LRRN2: variants seen among roughly 807,000 people sequenced by gnomAD.
LRRN2 encodes leucine-rich repeat neuronal protein 2.
A neutral mutation model predicts 35.7 loss-of-function variants in LRRN2; 10 were observed. The observed-to-expected ratio is 0.28, with a 90% CI of 0.17 to 0.47. The LOEUF (loss-of-function observed/expected upper bound fraction) is 0.47. Ranked by LOEUF, LRRN2 falls within the 20% of genes least tolerant of loss-of-function variation. The pLI is 0.99. For missense variants in LRRN2, 731 were observed against 940.3 expected, an observed-to-expected ratio of 0.78 and a Z score of 2.91; for synonymous variants, 391 against 409.6, an observed-to-expected ratio of 0.95 and a Z score of 0.55.
intron 1 of LRRN2, among the ~76,000 whole-genome samples, chr1:204,682,510 T>C (rs1668977376): frequency 6.6e-6 from 1 of 152,220 alleles, no homozygotes; most frequent in African/African-American, 2.4e-5. Context: ...TGGAGATCTA[T>C]ATGACCCGGA....
At chr1:204,658,395 A>C (rs1558418103) in intron 1 of LRRN2, among the ~76,000 whole-genome samples, 1 of 152,204 alleles carries the variant, frequency 6.6e-6, no homozygotes, top group Non-Finnish European at 1.5e-5. Flanking sequence ...GGAAGAAATG[A>C]CCAAAAGGCT....
intron 1 of LRRN2, among the ~76,000 whole-genome samples, chr1:204,658,170 G>A (rs1199863292): frequency 6.6e-6 from 1 of 151,686 alleles, no homozygotes; most frequent in Non-Finnish European, 1.5e-5. Context: ...TGGAGACGGG[G>A]TTTCACTATA....
intron 1 of LRRN2, among the ~76,000 whole-genome samples, chr1:204,657,339 T>TACAC (rs1285210348): frequency 1.2e-3 from 145 of 124,290 alleles, no homozygotes; most frequent in Middle Eastern, 4.0e-3. Context: ...TATATGTATA[T>TACAC]ATACACACAC....
intron 1 of LRRN2, among the ~76,000 whole-genome samples, chr1:204,639,053 C>T (rs1020261039): frequency 3.3e-5 from 5 of 152,220 alleles, no homozygotes; most frequent in African/African-American, 1.2e-4. Context: ...CCCTGGGTAG[C>T]TCTGGAGAGG....
intron 1 of LRRN2, among the ~76,000 whole-genome samples, chr1:204,668,098 AAAGCAAGAGGCC>A (rs1341526900): frequency 4.6e-5 from 7 of 152,166 alleles, no homozygotes; most frequent in Non-Finnish European, 1.0e-4. Flanking sequence ...AGATCTGAGA[AAAGCAAGAGGCC>A]AGTGCTGGCC....
In LRRN2 at chr1:204,619,623, G is replaced by GGTGC. The variant is rs1378138589; in HGVS notation, c.366_369dup (p.Leu124AlafsTer59). 6 of 1,614,104 alleles carry GGTGC rather than the reference G, an allele frequency of 3.7e-6. No individual in the cohort carries two copies. The highest frequency in any genetic ancestry group is 4.2e-6 in the Non-Finnish European group (5 of 1,180,058). On this transcript the variant is annotated frameshift_variant, in exon 2 of 2. Transcript: ENST00000367177. LOFTEE classifies it high-confidence loss of function. ...AGCCGGGTCAGCTGGTTCTCCTCTA[G>GGTGC]GTGCAGGCTCAGCAGCTGGGGCAGG... is the stretch of plus-strand genomic sequence containing the variant.
intron 1 of LRRN2, among the ~76,000 whole-genome samples, chr1:204,675,384 G>T (rs147221456): frequency 6.6e-6 from 1 of 152,210 alleles, no homozygotes. Context: ...GGGTCTCCCC[G>T]GCTTCAAGCT....
intron 1 of LRRN2, among the ~76,000 whole-genome samples, chr1:204,663,257 T>C (rs1309962058): frequency 6.6e-6 from 1 of 152,126 alleles, no homozygotes; most frequent in African/African-American, 2.4e-5. Context: ...ACCTGGAGCA[T>C]ATCAGCAAGG....
intron 1 of LRRN2, among the ~76,000 whole-genome samples, chr1:204,623,957 GAGTC>G (rs1667117260): frequency 1.3e-5 from 2 of 152,234 alleles, no homozygotes; most frequent in African/African-American, 2.4e-5. Context: ...AGGCAACTGA[GAGTC>G]AGAAACGTTA....
intron 1 of LRRN2, among the ~76,000 whole-genome samples, chr1:204,654,954 A>G (rs1002754038): frequency 1.3e-5 from 2 of 152,200 alleles, no homozygotes; most frequent in Non-Finnish European, 1.5e-5. Context: ...GTTCCTCTCA[A>G]GTAGGCCCCA....
chr1:204,635,389 C>A (rs1274932046), intron 1 of LRRN2, among the ~76,000 whole-genome samples: 3 of 152,132 alleles, frequency 2.0e-5, no homozygotes, highest in Non-Finnish European at 4.4e-5. Flanking sequence ...AAACCTCTCT[C>A]CGCAGCCCAG....
In LRRN2 at chr1:204,620,185, G is replaced by A; in HGVS notation, c.-193C>T. 6.9e-7 allele frequency: 1 copy of A among 1,446,234 alleles called. No individual in the cohort carries two copies. Among genetic ancestry groups the A allele is most frequent in the Non-Finnish European group, 9.1e-7 (1 of 1,098,404 alleles). The allele number at this position is 1,446,234 out of a possible 1,614,324, so 89.6% of individuals were successfully genotyped here. On this transcript the variant is annotated 5_prime_UTR_variant, in exon 2 of 2. The change creates a premature stop within an existing upstream ORF in the 5' untranslated region. Coordinates refer to ENST00000367177, the MANE Select transcript of LRRN2 (RefSeq NM_201630.2). The stretch of plus-strand genomic sequence containing the variant: ...TTCCTTGTCCTCTGGGGCTGGGCCT[G>A]CTCAGTCATTGCCAGGCCCCATCAG...
chr1:204,662,297 G>C (rs983965386), intron 1 of LRRN2, among the ~76,000 whole-genome samples: 2 of 152,306 alleles, frequency 1.3e-5, no homozygotes, highest in South Asian at 2.1e-4. Context: ...GATATAGTGA[G>C]GGGGAGCTAC....
intron 1 of LRRN2, among the ~76,000 whole-genome samples, chr1:204,683,759 C>T (rs1669004357): frequency 6.6e-6 from 1 of 152,172 alleles, no homozygotes; most frequent in Non-Finnish European, 1.5e-5. Flanking sequence ...AGAGAGCCCT[C>T]CGCAAGAAGG....
chr1:204,667,637 C>T (rs1410758970), intron 1 of LRRN2, among the ~76,000 whole-genome samples: 1 of 152,146 alleles, frequency 6.6e-6, no homozygotes, highest in Non-Finnish European at 1.5e-5. Context: ...ATAGAATGTG[C>T]TGACTGTGCT....
intron 1 of LRRN2, chr1:204,664,473 G>A (rs990646082): frequency 1.3e-5 from 2 of 152,108 alleles, no homozygotes; most frequent in Non-Finnish European, 2.9e-5. Context: ...ACACCTCTGC[G>A]CAGCTCGTTC....
At chr1:204,622,369 C>T (rs1008144082) in intron 1 of LRRN2, among the ~76,000 whole-genome samples, 2 of 152,208 alleles carry the variant, frequency 1.3e-5, no homozygotes, top group African/African-American at 4.8e-5. Context: ...CAGCTGGAGG[C>T]AGGGTCCCGT....
chr1:204,672,605 T>C (rs1455966630), intron 1 of LRRN2, among the ~76,000 whole-genome samples: 10 of 152,196 alleles, frequency 6.6e-5, no homozygotes, highest in African/African-American at 2.2e-4. Flanking sequence ...TGGAGGCTGA[T>C]AGAAGAACAG....
chr1:204,638,378 T>G (rs1571650682), intron 1 of LRRN2, among the ~76,000 whole-genome samples: 1 of 144,266 alleles, frequency 6.9e-6, no homozygotes, highest in Admixed American at 7.2e-5. Context: ...CTTACAGATG[T>G]GAAGTAACTT....
Sources: gnomAD v4.1 joint callset for allele counts (sites outside exome capture counted in the v4.1 genomes callset) on GRCh38, gnomAD v4.1.1 for gene constraint, MANE v1.5 for transcripts, NCBI Gene and HGNC (gene_info 2026-07-23, HGNC 2026-07-21) for gene names.